Variants in CCDC69 observed in about 807,000 individuals in gnomAD.
The protein encoded by CCDC69 is coiled-coil domain containing 69.
A neutral mutation model predicts 40.3 loss-of-function variants in CCDC69; 38 were observed. That is an observed-to-expected ratio of 0.94 (90% CI 0.73 to 1.24). The LOEUF is 1.24. Among genes scored for constraint, CCDC69 ranks in the 50% most tolerant of loss-of-function variants. CCDC69 has a pLI of 0.00. For synonymous variants in CCDC69, 141 were observed against 138.9 expected, an observed-to-expected ratio of 1.02 and a Z score of -0.11; for missense variants, 389 against 357.9, an observed-to-expected ratio of 1.09 and a Z score of -0.70.
intron 1 of CCDC69, among the ~76,000 whole-genome samples, chr5:151,218,108 A>G (rs1335321449): frequency 1.3e-5 from 2 of 152,222 alleles, no homozygotes; most frequent in African/African-American, 4.8e-5. Context: ...TGTTTGGCCT[A>G]GATGTTCTGG....
Position 151,224,015 on chromosome 5 carries a change from C to G in CCDC69, c.-45G>C. On this transcript the variant is annotated 5_prime_UTR_variant, in exon 1 of 9. Coordinates refer to ENST00000355417, the MANE Select transcript of CCDC69 (RefSeq NM_015621.3). Reference sequence around the variant, plus strand: ...GACGCCGCTTCCCAACTCCGGGGCCCCCAGAGGAGCCTGCGATCCGGGCCC... The same window carrying G: ...GACGCCGCTTCCCAACTCCGGGGCCGCCAGAGGAGCCTGCGATCCGGGCCC... 6.7e-7 allele frequency: 1 copy of G among 1,502,110 alleles called. No homozygotes were observed. The highest frequency in any genetic ancestry group is 8.9e-7 in the Non-Finnish European group (1 of 1,126,108). 93.0% of individuals were successfully genotyped at this position (1,502,110 alleles called of 1,614,324 possible). A position where few individuals can be genotyped will look rare whatever the true frequency, so the allele number is the denominator to read the frequency against.
chr5:151,198,468 G>A (rs1011678662), intron 4 of CCDC69, among the ~76,000 whole-genome samples: 1 of 152,094 alleles, frequency 6.6e-6, no homozygotes, highest in Non-Finnish European at 1.5e-5. Flanking sequence ...ATCCACCTTG[G>A]ACTCTCAAAG....
chr5:151,204,724 G>T (rs1752828874), intron 2 of CCDC69, among the ~76,000 whole-genome samples: 1 of 151,938 alleles, frequency 6.6e-6, no homozygotes, highest in Non-Finnish European at 1.5e-5. Context: ...TCAAAGAAAA[G>T]AAAACAAATA....
At chr5:151,214,535 C>T (rs1468211071) in intron 1 of CCDC69, among the ~76,000 whole-genome samples, 5 of 152,176 alleles carry the variant, frequency 3.3e-5, no homozygotes, top group Admixed American at 6.5e-5. Context: ...CATTGAAACT[C>T]AAACACTGCC....
At chr5:151,190,485 G>T (rs756253452) in intron 4 of CCDC69, among the ~76,000 whole-genome samples, 3 of 152,022 alleles carry the variant, frequency 2.0e-5, no homozygotes, top group Non-Finnish European at 4.4e-5. Context: ...GGCCAACATG[G>T]TGAAACCCGG....
chr5:151,186,079 T>G lies in CCDC69; in HGVS notation c.439A>C (p.Lys147Gln). 2 of 1,614,090 alleles carry G rather than the reference T, an allele frequency of 1.2e-6. No homozygotes were observed. The highest frequency in any genetic ancestry group is 2.2e-5 in the South Asian group (2 of 91,072). ...LTSQLEAFQA[K>Q]MKRVEESILS... Reference sequence around the variant, plus strand: ...ATGGACTCCTCCACCCTCTTCATTTTGGCCTGGAAAGCCTCCAGCTGTGAG... The same window carrying G: ...ATGGACTCCTCCACCCTCTTCATTTGGGCCTGGAAAGCCTCCAGCTGTGAG... Residue 147 changes from lysine to glutamine, a missense_variant, in exon 6 of 9, where the codon AAA (lysine) becomes CAA (glutamine). Coordinates refer to ENST00000355417, the MANE Select transcript of CCDC69 (RefSeq NM_015621.3).
intron 1 of CCDC69, among the ~76,000 whole-genome samples, chr5:151,218,820 C>T (rs153470): frequency 0.25 from 37,621 of 152,108 alleles, 5,406 homozygotes; most frequent in East Asian, 0.53. Context: ...TCTGGGAACT[C>T]GTCAGGCTCT....
chr5:151,218,610 GCACCCT>G (rs1443541015), intron 1 of CCDC69, among the ~76,000 whole-genome samples: 1 of 152,186 alleles, frequency 6.6e-6, no homozygotes, highest in African/African-American at 2.4e-5. Context: ...GCTGATCTAT[GCACCCT>G]GAGATGTCAG....
chr5:151,218,781 A>G (rs1753090968), intron 1 of CCDC69, among the ~76,000 whole-genome samples: 1 of 152,244 alleles, frequency 6.6e-6, no homozygotes. Context: ...CTAACAGCCA[A>G]CTGAAGCAAA....
At chr5:151,214,355 G>A (rs887160004) in intron 1 of CCDC69, among the ~76,000 whole-genome samples, 1 of 152,130 alleles carries the variant, frequency 6.6e-6, no homozygotes, top group African/African-American at 2.4e-5. Flanking sequence ...CCCACTCCAG[G>A]GCCTTCGGGG....
At chr5:151,223,892 G>A (rs1229713590) in intron 1 of CCDC69, 31 bp downstream of exon 1, 2 of 1,590,000 alleles carry the variant, frequency 1.3e-6, no homozygotes, top group Non-Finnish European at 1.7e-6. Context: ...CCTCTCCTCT[G>A]AAAGCAAACT....
intron 1 of CCDC69, among the ~76,000 whole-genome samples, chr5:151,207,484 A>C (rs1236936485): frequency 6.7e-6 from 1 of 148,742 alleles, no homozygotes; most frequent in East Asian, 2.1e-4. Context: ...GTAGAGATGG[A>C]GTTTCACCGT....
At chr5:151,195,729 A>AAAC (rs1554089322) in intron 4 of CCDC69, among the ~76,000 whole-genome samples, 7 of 150,188 alleles carry the variant, frequency 4.7e-5, no homozygotes, top group Non-Finnish European at 8.9e-5. Flanking sequence ...AAAAAAAAAA[A>AAAC]AAAAAAAAAA....
intron 2 of CCDC69, among the ~76,000 whole-genome samples, chr5:151,203,237 C>T (rs1052023866): frequency 2.6e-4 from 39 of 151,914 alleles, no homozygotes; most frequent in Non-Finnish European, 5.1e-4. Flanking sequence ...AGGCCAGGCG[C>T]GATGGCTCAC....
chr5:151,183,361 C>T lies in CCDC69; in HGVS notation c.*76G>A, dbSNP rs758378058. The T allele has an allele frequency of 9.2e-5, 136 of 1,480,292 alleles. No individual in the cohort carries two copies. The Admixed American group carries it at 1.2e-3, about 13-fold the overall frequency. 91.7% of individuals were successfully genotyped at this position (1,480,292 alleles called of 1,614,324 possible). ...TCCTTCCTGGAAAAGAACTGAGAGG[C>T]TCCTGCTGTCTTCTCCAGAAAAACC... is the stretch of plus-strand genomic sequence containing the variant. On this transcript the variant is annotated 3_prime_UTR_variant, in exon 9 of 9. Coordinates refer to ENST00000355417, the MANE Select transcript of CCDC69 (RefSeq NM_015621.3).
intron 6 of CCDC69, among the ~76,000 whole-genome samples, chr5:151,185,778 G>C (rs372570528): frequency 1.2e-4 from 19 of 152,254 alleles, no homozygotes; most frequent in African/African-American, 4.6e-4. Context: ...TAAGTGGCAG[G>C]TTTGCTATGT....
At chr5:151,211,620 C>T (rs1436323453) in intron 1 of CCDC69, among the ~76,000 whole-genome samples, 2 of 149,616 alleles carry the variant, frequency 1.3e-5, no homozygotes, top group Non-Finnish European at 3.0e-5. Context: ...GCCTCCCAGG[C>T]TCAAGCAATT....
chr5:151,217,811 A>T (rs571401458), intron 1 of CCDC69, among the ~76,000 whole-genome samples: 20 of 152,338 alleles, frequency 1.3e-4, no homozygotes, highest in Admixed American at 2.0e-4. Context: ...ATTTCAAATA[A>T]TGTCGCATTT....
At chr5:151,203,797 A>G (rs1390538835) in intron 2 of CCDC69, among the ~76,000 whole-genome samples, 1 of 136,466 alleles carries the variant, frequency 7.3e-6, no homozygotes, top group Non-Finnish European at 1.5e-5. Context: ...AAATATATAT[A>G]GTATATATAA....
Sources: gnomAD v4.1 joint callset for allele counts (sites outside exome capture counted in the v4.1 genomes callset) on GRCh38, gnomAD v4.1.1 for gene constraint, MANE v1.5 for transcripts, NCBI Gene and HGNC (gene_info 2026-07-23, HGNC 2026-07-21) for gene names.